LRMDA: variants seen among roughly 807,000 people sequenced by gnomAD.
LRMDA encodes the protein leucine-rich melanocyte differentiation-associated protein.
A neutral mutation model predicts 29.8 loss-of-function variants in LRMDA; 18 were observed. The observed-to-expected ratio is 0.60, with a 90% CI of 0.42 to 0.90. The LOEUF is 0.90. LRMDA is among the 40% of genes least tolerant of loss of function. LRMDA has a pLI of 0.00. For synonymous variants in LRMDA, 125 were observed against 109.4 expected, an observed-to-expected ratio of 1.14 and a Z score of -0.89; for missense variants, 273 against 273.9, an observed-to-expected ratio of 1.00 and a Z score of 0.02.
intron 2 of LRMDA, among the ~76,000 whole-genome samples, chr10:75,928,743 T>C (rs74146996): frequency 0.019 from 2,829 of 152,220 alleles, 66 homozygotes; most frequent in East Asian, 0.07. Context: ...AAACCACTCA[T>C]GTGGCACTGG....
intron 2 of LRMDA, among the ~76,000 whole-genome samples, chr10:75,679,636 A>G (rs1460623432): frequency 6.6e-6 from 1 of 152,204 alleles, no homozygotes; most frequent in Non-Finnish European, 1.5e-5. Flanking sequence ...TGCTAATAAC[A>G]TTGTCATAAA....
At chr10:76,161,887 C>G (rs1345499014) in intron 5 of LRMDA, among the ~76,000 whole-genome samples, 1 of 152,184 alleles carries the variant, frequency 6.6e-6, no homozygotes, top group Admixed American at 6.5e-5. Flanking sequence ...AGATTCTGCT[C>G]GCTCTGTTTT....
chr10:75,926,724 T>C (rs1478315518), intron 2 of LRMDA, among the ~76,000 whole-genome samples: 1 of 152,218 alleles, frequency 6.6e-6, no homozygotes, highest in East Asian at 1.9e-4. Context: ...CACCCACTCA[T>C]GCTGCTGTTA....
chr10:75,947,466 T>C (rs1222997937), intron 2 of LRMDA, among the ~76,000 whole-genome samples: 1 of 152,164 alleles, frequency 6.6e-6, no homozygotes, highest in African/African-American at 2.4e-5. Flanking sequence ...CGGATATTCA[T>C]GTAGGCAGGT....
chr10:75,804,474 G>A (rs1340918806), intron 2 of LRMDA, among the ~76,000 whole-genome samples: 2 of 152,228 alleles, frequency 1.3e-5, no homozygotes, highest in African/African-American at 4.8e-5. Flanking sequence ...CAGGCCTGCC[G>A]ATGTCACCCC....
intron 5 of LRMDA, among the ~76,000 whole-genome samples, chr10:76,116,783 G>C (rs920936621): frequency 1.3e-5 from 2 of 152,074 alleles, no homozygotes; most frequent in African/African-American, 4.8e-5. Flanking sequence ...AAGGGAAACT[G>C]GTTTGTATTG....
chr10:76,304,685 CA>C (rs1348414118), intron 5 of LRMDA, among the ~76,000 whole-genome samples: 5 of 152,132 alleles, frequency 3.3e-5, no homozygotes, highest in African/African-American at 7.2e-5. Context: ...TTTAATTTAC[CA>C]TTTAGTATTT....
rs1851346258 is a variant in LRMDA, at chr10:76,197,241, G to A, written c.517-127160G>A. Among the ~76,000 whole-genome samples the A allele has an allele frequency of 2.0e-5, 3 of 152,176 alleles. No homozygotes were observed. In the South Asian group the frequency reaches 6.2e-4, roughly 31 times the overall value. Reference sequence around the variant, plus strand: ...TATTTTATTTTGTTTTAATGAGCGTGGAGCCAGAACTGAGCATAGTATTTC... The same window carrying A: ...TATTTTATTTTGTTTTAATGAGCGTAGAGCCAGAACTGAGCATAGTATTTC... On this transcript the variant is annotated intron_variant, in intron 5 of 6. Transcript: ENST00000611255.
intron 5 of LRMDA, among the ~76,000 whole-genome samples, chr10:76,302,033 C>G (rs1840487766): frequency 6.6e-6 from 1 of 152,088 alleles, no homozygotes; most frequent in Non-Finnish European, 1.5e-5. Context: ...ATTTTTAGCC[C>G]CTCAGTTTTG....
chr10:75,796,387 T>C (rs1245606265), intron 2 of LRMDA, among the ~76,000 whole-genome samples: 1 of 152,220 alleles, frequency 6.6e-6, no homozygotes, highest in Admixed American at 6.5e-5. Flanking sequence ...TGAATGGGTA[T>C]TGACTTTTTC....
intron 2 of LRMDA, among the ~76,000 whole-genome samples, chr10:75,554,497 G>C (rs1392629183): frequency 1.3e-5 from 2 of 152,114 alleles, no homozygotes; most frequent in Non-Finnish European, 2.9e-5. Flanking sequence ...CAGTTATTTA[G>C]CCCCTCCTCT....
At chr10:75,797,936 A>G (rs183425354) in intron 2 of LRMDA, among the ~76,000 whole-genome samples, 140 of 152,324 alleles carry the variant, frequency 9.2e-4, no homozygotes, top group Non-Finnish European at 1.7e-3. Flanking sequence ...TTATGCCATC[A>G]GTATATGAAG....
chr10:75,940,005 A>C (rs2132408739), intron 2 of LRMDA, among the ~76,000 whole-genome samples: 1 of 152,324 alleles, frequency 6.6e-6, no homozygotes, highest in Middle Eastern at 3.4e-3. Flanking sequence ...GTTTGGATGA[A>C]GAGAACTATG....
At chr10:76,388,069 A>G (rs1841681312) in intron 6 of LRMDA, among the ~76,000 whole-genome samples, 1 of 152,196 alleles carries the variant, frequency 6.6e-6, no homozygotes, top group African/African-American at 2.4e-5. Context: ...TGAGTCTGGT[A>G]CCATGCTAGA....
Position 75,719,727 on chromosome 10 carries a change from G to A in LRMDA, c.131+281233G>A, listed in dbSNP as rs541883441. On this transcript the variant is annotated intron_variant, in intron 2 of 6. Coordinates refer to ENST00000611255, the MANE Select transcript of LRMDA (RefSeq NM_001305581.2). ...ATGAAGTGTTCCGCCTCCTGTTGCCGTGGGATGGCCATGGCCTACCCAGTC... is the reference window on the plus strand; with the variant it reads ...ATGAAGTGTTCCGCCTCCTGTTGCCATGGGATGGCCATGGCCTACCCAGTC... 1.9e-4 allele frequency among the ~76,000 whole-genome samples: 29 copies of A among 152,274 alleles called. No individual in the cohort carries two copies. The South Asian group carries it at 2.3e-3, about 12-fold the overall frequency.
intron 2 of LRMDA, among the ~76,000 whole-genome samples, chr10:75,637,235 G>C (rs1453608239): frequency 6.6e-6 from 1 of 152,202 alleles, no homozygotes; most frequent in Non-Finnish European, 1.5e-5. Context: ...ACTGTGAACT[G>C]TTTGTAGCCA....
chr10:76,526,092 G>A (rs1228068026), intron 6 of LRMDA, among the ~76,000 whole-genome samples: 4 of 152,030 alleles, frequency 2.6e-5, no homozygotes, highest in Admixed American at 2.0e-4. Flanking sequence ...TAGCACATTG[G>A]CTATTTGATG....
chr10:75,559,830 A>T (rs1840267874), intron 2 of LRMDA, among the ~76,000 whole-genome samples: 1 of 83,614 alleles, frequency 1.2e-5, no homozygotes, highest in African/African-American at 2.8e-5. Flanking sequence ...TTTGTCAAAG[A>T]TCACATGGTT....
rs1339501420 is a variant in LRMDA at position 76,324,454 on chromosome 10, T to C, written c.570T>C (p.Pro190=). Residue 190 remains proline, a synonymous_variant, in exon 6 of 7, where the codon CCT becomes CCC. Coordinates refer to ENST00000611255, the MANE Select transcript of LRMDA (RefSeq NM_001305581.2). The part of the protein sequence containing the change: ...SSPERHYTPL[P]SASRELTSHQ... ...CGGAGCGCCACTACACGCCCTTGCC[T>C]TCTGCTTCCAGGGAACTCACCAGTC... 9.3e-6 allele frequency: 15 copies of C among 1,614,006 alleles called. No individual in the cohort carries two copies. The highest frequency in any genetic ancestry group is 8.9e-5 in the East Asian group (4 of 44,876).
Sources: gnomAD v4.1 joint callset for allele counts (sites outside exome capture counted in the v4.1 genomes callset) on GRCh38, gnomAD v4.1.1 for gene constraint, MANE v1.5 for transcripts, NCBI Gene and HGNC (gene_info 2026-07-23, HGNC 2026-07-21) for gene names.